SLC6A14: variants seen among roughly 807,000 people sequenced by gnomAD.
SLC6A14 encodes the protein sodium- and chloride-dependent neutral and basic amino acid transporter B(0+).
SLC6A14 carries 21 observed loss-of-function variants against 51.4 expected under a neutral mutation model. The ratio of observed to expected loss-of-function variants is 0.41; its 90% confidence interval spans 0.29 to 0.59. The LOEUF is 0.59. SLC6A14 is among the 20% of genes least tolerant of loss of function. SLC6A14 has a pLI of 0.31. For synonymous variants in SLC6A14, 177 were observed against 160.7 expected, an observed-to-expected ratio of 1.10 and a Z score of -0.77; for missense variants, 371 against 472.8, an observed-to-expected ratio of 0.78 and a Z score of 2.00.
chrX:116,448,363 G>A (rs1378207958), intron 7 of SLC6A14, among the ~76,000 whole-genome samples: 1 of 111,513 alleles, frequency 9.0e-6, no homozygotes, highest in Admixed American at 9.6e-5. Flanking sequence ...ACTTTGATGT[G>A]TCCACAGGAC....
intron 10 of SLC6A14, 95 bp from the exon 11 acceptor site, chrX:116,454,882 A>C (rs1426063175): frequency 8.0e-6 from 5 of 621,347 alleles, no homozygotes; most frequent in Non-Finnish European, 1.3e-5. Flanking sequence ...TAAGGAGCAT[A>C]TGTCAAGATC....
chrX:116,440,027 A>T (rs782206445), intron 2 of SLC6A14, among the ~76,000 whole-genome samples: 2 of 111,718 alleles, frequency 1.8e-5, no homozygotes, highest in South Asian at 3.7e-4. Context: ...TTAAATGTAT[A>T]CAATCTGAAA....
In SLC6A14 at chrX:116,452,943, T is replaced by C. The variant is rs1308399864; in HGVS notation, c.1160-74T>C. On this transcript the variant is annotated intron_variant, in intron 8 of 13. Coordinates refer to ENST00000598581, the MANE Select transcript of SLC6A14 (RefSeq NM_007231.5). Reference sequence around the variant, plus strand: ...GCCAAATAAGATGAGATTTTTCTAATATCTTATGTTTTAAATGTTTAAATA... The same window carrying C: ...GCCAAATAAGATGAGATTTTTCTAACATCTTATGTTTTAAATGTTTAAATA... 6 of 845,216 alleles carry C rather than the reference T, an allele frequency of 7.1e-6. No homozygotes were observed. In the African/African-American group the frequency reaches 1.3e-4, roughly 18 times the overall value. The allele number at this position is 845,216 out of a possible 1,213,427, so 69.7% of individuals were successfully genotyped here. A position where few individuals can be genotyped will look rare whatever the true frequency, so the allele number is the denominator to read the frequency against.
At chrX:116,445,295 C>A (rs1927684167) in intron 6 of SLC6A14, among the ~76,000 whole-genome samples, 1 of 109,384 alleles carries the variant, frequency 9.1e-6, no homozygotes, top group Admixed American at 9.8e-5. Context: ...AAACATGGAC[C>A]CTTTTAGCTG....
intron 12 of SLC6A14, among the ~76,000 whole-genome samples, chrX:116,455,872 T>A (rs781800964): frequency 9.0e-6 from 1 of 111,621 alleles, no homozygotes; most frequent in East Asian, 2.8e-4. Context: ...CTTCAAAGAA[T>A]TCAGTTTAAA....
In SLC6A14 at chrX:116,455,322, T is replaced by C. The variant is rs782579397; in HGVS notation, c.1505-35T>C. 1.0e-5 allele frequency: 11 copies of C among 1,075,529 alleles called. No individual in the cohort carries two copies. The South Asian group carries it at 1.9e-4, about 19-fold the overall frequency. The allele number at this position is 1,075,529 out of a possible 1,213,427, so 88.6% of individuals were successfully genotyped here. A position where few individuals can be genotyped will look rare whatever the true frequency, so the allele number is the denominator to read the frequency against. On this transcript the variant is annotated intron_variant, in intron 11 of 13. Coordinates refer to ENST00000598581, the MANE Select transcript of SLC6A14 (RefSeq NM_007231.5). ...CATAATGGTTACTGGAAGAAAATAT[T>C]AGCAAGCACTCAATGTACTCTTTGT...
chrX:116,455,119 A>G (rs200656904), intron 11 of SLC6A14, 43 bp downstream of exon 11: 301 of 963,853 alleles, frequency 3.1e-4, no homozygotes, highest in Non-Finnish European at 4.0e-4. Flanking sequence ...TTATTAAAAT[A>G]GTTTAGTTTG....
At chrX:116,442,421 C>T (rs1480062462) in intron 3 of SLC6A14, among the ~76,000 whole-genome samples, 2 of 110,215 alleles carry the variant, frequency 1.8e-5, no homozygotes, top group African/African-American at 6.6e-5. Context: ...TGCACCACCA[C>T]GCCTGGCTAA....
intron 12 of SLC6A14, among the ~76,000 whole-genome samples, chrX:116,456,271 T>C (rs1927932943): frequency 9.0e-6 from 1 of 110,848 alleles, no homozygotes; most frequent in South Asian, 3.7e-4. Context: ...AAAAGACCAT[T>C]AAGTAATTCT....
chrX:116,440,416 G>A (rs1045348474), intron 2 of SLC6A14, among the ~76,000 whole-genome samples: 12 of 112,248 alleles, frequency 1.1e-4, no homozygotes, highest in African/African-American at 3.2e-4. Flanking sequence ...AGCCACATTA[G>A]CATTTTAACT....
intron 6 of SLC6A14, among the ~76,000 whole-genome samples, chrX:116,445,277 T>C (rs782261599): frequency 9.1e-6 from 1 of 110,347 alleles, no homozygotes; most frequent in Non-Finnish European, 1.9e-5. Context: ...GAGGTGCACA[T>C]TTCCTAAAAA....
intron 12 of SLC6A14, among the ~76,000 whole-genome samples, chrX:116,456,354 A>T (rs1927935110): frequency 9.1e-6 from 1 of 110,478 alleles, no homozygotes; most frequent in Admixed American, 9.7e-5. Flanking sequence ...TTTTAACATT[A>T]TGAGATCACT....
rs1928005824 is a variant in SLC6A14, at chrX:116,459,752, T to C, written c.*797T>C. The C allele has an allele frequency of 8.9e-6, 1 of 112,181 alleles. No homozygotes were observed. Among genetic ancestry groups the C allele is most frequent in the South Asian group, 3.7e-4 (1 of 2,717 alleles). 9.2% of individuals were successfully genotyped at this position (112,181 alleles called of 1,213,427 possible). A position where few individuals can be genotyped will look rare whatever the true frequency, so the allele number is the denominator to read the frequency against. The stretch of plus-strand genomic sequence containing the variant: ...GTTTCACAAAATTAAGTGTTGTTCA[T>C]TATACTCTCTGAAATATAGGTTTAA... On this transcript the variant is annotated 3_prime_UTR_variant, in exon 14 of 14. Coordinates refer to ENST00000598581, the MANE Select transcript of SLC6A14 (RefSeq NM_007231.5).
intron 6 of SLC6A14, 44 bp downstream of exon 6, chrX:116,445,094 A>T: frequency 9.0e-7 from 1 of 1,109,503 alleles, no homozygotes; most frequent in Non-Finnish European, 1.2e-6. Context: ...CAGCTTTCCA[A>T]TTTCATGGTA....
intron 2 of SLC6A14, among the ~76,000 whole-genome samples, chrX:116,439,297 G>A (rs12720076): frequency 0.1 from 11,125 of 111,107 alleles, 474 homozygotes; most frequent in African/African-American, 0.16. Flanking sequence ...TTAATATGCC[G>A]TATTGGCTTT....
intron 10 of SLC6A14, among the ~76,000 whole-genome samples, chrX:116,454,691 A>G (rs1556694641): frequency 9.0e-6 from 1 of 111,079 alleles, no homozygotes; most frequent in African/African-American, 3.3e-5. Flanking sequence ...AACACATACT[A>G]CATTTCTCAC....
chrX:116,451,658 GT>G lies in SLC6A14; in HGVS notation c.1149del (p.Val384Ter). 8.5e-7 allele frequency: 1 copy of G among 1,171,443 alleles called. No individual in the cohort carries two copies. Among genetic ancestry groups the G allele is most frequent in the Non-Finnish European group, 1.2e-6 (1 of 859,950 alleles). On this transcript the variant is annotated frameshift_variant, in exon 8 of 14. Coordinates refer to ENST00000598581, the MANE Select transcript of SLC6A14 (RefSeq NM_007231.5). LOFTEE classifies it high-confidence loss of function. Reference sequence around the variant, plus strand: ...TATATCTGGAAAGGAAGTTTCTCAAGTTGTAAAATCAGGTATATAATACTAT... The same window carrying G: ...TATATCTGGAAAGGAAGTTTCTCAAGTGTAAAATCAGGTATATAATACTAT... ...AHISGKEVSQ[V>X]VKSGFDLAFI... is the part of the protein sequence containing the mutation.
chrX:116,455,579 C>A lies in SLC6A14; in HGVS notation c.1614+113C>A, dbSNP rs782313129. 5.5e-6 allele frequency: 3 copies of A among 549,344 alleles called. No individual in the cohort carries two copies. The South Asian group carries it at 1.0e-4, about 18-fold the overall frequency. 45.3% of individuals were successfully genotyped at this position (549,344 alleles called of 1,213,427 possible). On this transcript the variant is annotated intron_variant, in intron 12 of 13. Transcript: ENST00000598581. ...ATTAATTTTATAAAGGAATGATTTT[C>A]AAGTTTTGCAGTATTTATGGCTGGT...
In SLC6A14 at chrX:116,443,644, A is replaced by G. The variant is rs782084263; in HGVS notation, c.510A>G (p.Val170=). The change falls in exon 5 of 14, where the codon GTA becomes GTG. Residue 170 remains valine (V), a splice_region_variant and synonymous_variant. Transcript: ENST00000598581. ...SDKNCSRSPI[V]THCNVSTVNK... ...GTCTATATTTTTTATCCTCTTTAGT[A>G]ACTCACTGTAATGTGAGTACAGTGA... 1 of 1,131,166 alleles carries G rather than the reference A, an allele frequency of 8.8e-7. No homozygotes were observed. Among genetic ancestry groups the G allele is most frequent in the South Asian group, 2.2e-5 (1 of 45,063 alleles). The allele number at this position is 1,131,166 out of a possible 1,213,427, so 93.2% of individuals were successfully genotyped here.
Sources: gnomAD v4.1 joint callset for allele counts (sites outside exome capture counted in the v4.1 genomes callset) on GRCh38, gnomAD v4.1.1 for gene constraint, MANE v1.5 for transcripts, NCBI Gene and HGNC (gene_info 2026-07-23, HGNC 2026-07-21) for gene names.